The following NIBAN1 variants were observed in gnomAD, a reference collection of about 807,000 sequenced individuals.
The protein encoded by NIBAN1 is niban apoptosis regulator 1.
A neutral mutation model predicts 75.1 loss-of-function variants in NIBAN1; 81 were observed. The observed-to-expected ratio is 1.08, with a 90% confidence interval of 0.90 to 1.30. NIBAN1 has a LOEUF of 1.30. Ranked by LOEUF, NIBAN1 falls within the 50% of genes most tolerant of loss-of-function variation. The probability of loss-of-function intolerance (pLI) is 0.00; values close to 1 mark genes in which losing one functional copy is unlikely to be tolerated. For missense variants in NIBAN1, 1,133 were observed against 1,128.1 expected (o/e 1.00, Z -0.06); for synonymous variants, 436 against 424.8 (o/e 1.03, Z -0.32).
At chr1:184,935,742 A>G (rs1476240951) in intron 1 of NIBAN1, among the ~76,000 whole-genome samples, 1 of 152,048 alleles carries the variant, frequency 6.6e-6, no homozygotes, top group Non-Finnish European at 1.5e-5. Context: ...CTAGTTGGGT[A>G]AATTTCAAGG....
chr1:184,949,023 AATCTTTTGGATTT>A (rs1462846276), intron 1 of NIBAN1, among the ~76,000 whole-genome samples: 3 of 152,168 alleles, frequency 2.0e-5, no homozygotes, highest in Non-Finnish European at 4.4e-5. Context: ...TTTGTTCTAA[AATCTTTTGGATTT>A]ATCTTTTGGA....
rs1360614551 is a variant in NIBAN1, at chr1:184,799,445, T to G, written c.1555-1255A>C. Among the ~76,000 whole-genome samples the G allele has an allele frequency of 1.4e-4, 21 of 150,290 alleles. No individual in the cohort carries two copies. In the South Asian group the frequency reaches 4.4e-3, roughly 31 times the overall value. ...ATTTTCTTAATCCAGTCTATCATTG[T>G]TGGACATTTGGGTTGGTTCCAAGAC... On this transcript the variant is annotated intron_variant, in intron 12 of 13. Coordinates refer to ENST00000367511, the MANE Select transcript of NIBAN1 (RefSeq NM_052966.4).
rs1653928134 is a variant in NIBAN1, at chr1:184,798,130, T to A, written c.1615A>T (p.Asn539Tyr). The A allele has an allele frequency of 6.2e-7, 1 of 1,612,122 alleles. No homozygotes were observed. The highest frequency in any genetic ancestry group is 1.7e-5 in the Admixed American group (1 of 59,992). ...ADHTNMIHVE[N>Y]VYEEILHQIL... ...TGATGTAAAATCTCCTCATAGACAT[T>A]TTCAACGTGAATCATATTGGTATGA... The change falls in exon 13 of 14, where the codon AAT (asparagine) becomes TAT (tyrosine). Residue 539 changes from asparagine to tyrosine, a missense_variant. Coordinates refer to ENST00000367511, the MANE Select transcript of NIBAN1 (RefSeq NM_052966.4).
intron 1 of NIBAN1, among the ~76,000 whole-genome samples, chr1:184,919,531 CAG>C (rs1396854464): frequency 1.3e-5 from 2 of 152,156 alleles, no homozygotes; most frequent in African/African-American, 4.8e-5. Context: ...GTCTTAATAT[CAG>C]AAGTTATTTA....
At chr1:184,948,152 T>C (rs867317420) in intron 1 of NIBAN1, among the ~76,000 whole-genome samples, 1 of 152,228 alleles carries the variant, frequency 6.6e-6, no homozygotes, top group South Asian at 2.1e-4. Flanking sequence ...ATAAGAATTA[T>C]AGTCATTATA....
chr1:184,875,906 G>A (rs1656219699), intron 5 of NIBAN1, among the ~76,000 whole-genome samples: 1 of 152,104 alleles, frequency 6.6e-6, no homozygotes, highest in Non-Finnish European at 1.5e-5. Context: ...AGGCACGATG[G>A]CTCATGCCTA....
chr1:184,879,461 T>C (rs1186974441), intron 5 of NIBAN1, among the ~76,000 whole-genome samples: 1 of 152,180 alleles, frequency 6.6e-6, no homozygotes, highest in Non-Finnish European at 1.5e-5. Context: ...TTTTCAGTTA[T>C]AATTGATTGA....
In NIBAN1 at chr1:184,894,072, T is replaced by C; in HGVS notation, c.318+3A>G. On this transcript the variant is annotated splice_donor_region_variant and intron_variant, in intron 3 of 13. Coordinates refer to ENST00000367511, the MANE Select transcript of NIBAN1 (RefSeq NM_052966.4). ...AATCAGTAGTAACAAAGAAGTGTCT[T>C]ACCTCTTTATTCTCATAGCTCTCCA... is the stretch of plus-strand genomic sequence containing the variant. 1.3e-6 allele frequency: 2 copies of C among 1,598,188 alleles called. No homozygotes were observed. Among genetic ancestry groups the C allele is most frequent in the Non-Finnish European group, 1.7e-6 (2 of 1,174,342 alleles).
At chr1:184,922,223 G>A (rs762818763) in intron 1 of NIBAN1, among the ~76,000 whole-genome samples, 7 of 151,902 alleles carry the variant, frequency 4.6e-5, no homozygotes, top group Non-Finnish European at 1.0e-4. Flanking sequence ...ATCACATCAA[G>A]CATTTATCCT....
At chr1:184,919,356 C>T (rs1234145365) in intron 1 of NIBAN1, among the ~76,000 whole-genome samples, 1 of 152,150 alleles carries the variant, frequency 6.6e-6, no homozygotes, top group Non-Finnish European at 1.5e-5. Context: ...CTCCAAATCC[C>T]ATGTGAAGCT....
At chr1:184,918,666 G>C (rs747768613) in intron 1 of NIBAN1, among the ~76,000 whole-genome samples, 1 of 152,064 alleles carries the variant, frequency 6.6e-6, no homozygotes, top group Non-Finnish European at 1.5e-5. Flanking sequence ...CTTACCTAAC[G>C]CCTTGGTCAG....
intron 1 of NIBAN1, among the ~76,000 whole-genome samples, chr1:184,905,313 T>G (rs1657063000): frequency 6.6e-6 from 1 of 152,194 alleles, no homozygotes; most frequent in Non-Finnish European, 1.5e-5. Flanking sequence ...AAGACACTCT[T>G]TTGAAAGTCA....
chr1:184,816,443 G>C (rs150420373), intron 9 of NIBAN1, among the ~76,000 whole-genome samples: 2 of 152,330 alleles, frequency 1.3e-5, no homozygotes, highest in African/African-American at 4.8e-5. Flanking sequence ...AAGGCCCTAA[G>C]TTTTGGTCAC....
intron 1 of NIBAN1, among the ~76,000 whole-genome samples, chr1:184,962,784 C>A (rs886786589): frequency 6.6e-6 from 1 of 152,052 alleles, no homozygotes; most frequent in Non-Finnish European, 1.5e-5. Context: ...TTTGTGAGTT[C>A]ATAATGATTT....
chr1:184,823,046 A>T, intron 8 of NIBAN1, 121 bp downstream of exon 8: 1 of 1,196,182 alleles, frequency 8.4e-7, no homozygotes, highest in Non-Finnish European at 1.2e-6. Flanking sequence ...TGCAGCTGTG[A>T]TCACCTCCTC....
chr1:184,897,405 C>T (rs1341369702), intron 2 of NIBAN1, among the ~76,000 whole-genome samples: 1 of 151,510 alleles, frequency 6.6e-6, no homozygotes, highest in Non-Finnish European at 1.5e-5. Context: ...TTATGCTTTT[C>T]TGATTTTTCT....
At chr1:184,930,997 C>CTTTTTTCTTTTT (rs1553229154) in intron 1 of NIBAN1, among the ~76,000 whole-genome samples, 1 of 114,554 alleles carries the variant, frequency 8.7e-6, no homozygotes, top group African/African-American at 4.5e-5. Context: ...TTTTCTTCTT[C>CTTTTTTCTTTTT]TTTTTTTTTT....
intron 2 of NIBAN1, among the ~76,000 whole-genome samples, chr1:184,897,812 A>G (rs796452626): frequency 2.4e-4 from 36 of 152,002 alleles, no homozygotes; most frequent in African/African-American, 8.7e-4. Flanking sequence ...ATTATCTCAC[A>G]CCCAACCCAA....
intron 4 of NIBAN1, among the ~76,000 whole-genome samples, chr1:184,886,651 T>C (rs1348245468): frequency 6.6e-6 from 1 of 152,190 alleles, no homozygotes; most frequent in African/African-American, 2.4e-5. Flanking sequence ...GTTCCAACTT[T>C]TTCCAGAGTC....
Sources: allele counts gnomAD v4.1 joint callset (sites outside exome capture counted in the v4.1 genomes callset), GRCh38; gene constraint gnomAD v4.1.1; transcripts MANE v1.5; gene names NCBI Gene and HGNC (gene_info 2026-07-23, HGNC 2026-07-21).